The following NAP1L4 variants were observed in gnomAD, a reference collection of about 807,000 sequenced individuals.
The protein encoded by NAP1L4 is nucleosome assembly protein 1 like 4.
A neutral mutation model predicts 58.2 loss-of-function variants in NAP1L4; 15 were observed. That is an observed-to-expected ratio of 0.26 (90% CI 0.17 to 0.40). The LOEUF is 0.40. Among genes scored for constraint, NAP1L4 ranks in the 10% least tolerant of loss-of-function variants. The pLI is 1.00. For missense variants in NAP1L4, 384 were observed against 451.1 expected (o/e 0.85, Z 1.35); for synonymous variants, 171 against 155.6 (o/e 1.10, Z -0.74).
At chr11:2,960,236 G>A in intron 8 of NAP1L4, 2 of 266,886 alleles carry the variant, frequency 7.5e-6, no homozygotes, top group South Asian at 1.0e-4. Flanking sequence ...GAGGGAAGGT[G>A]ACTAGGGGAA....
At chr11:2,966,617 C>T (rs1290412146) in intron 7 of NAP1L4, among the ~76,000 whole-genome samples, 1 of 152,164 alleles carries the variant, frequency 6.6e-6, no homozygotes, top group African/African-American at 2.4e-5. Flanking sequence ...CAAAAAGATA[C>T]CTGCAAGTAT....
chr11:2,977,756 C>G lies in NAP1L4; in HGVS notation c.73+528G>C, dbSNP rs184749226. Among the ~76,000 whole-genome samples, 3 of 150,054 alleles carry G rather than the reference C, an allele frequency of 2.0e-5. No homozygotes were observed. In the East Asian group the frequency reaches 5.9e-4, roughly 30 times the overall value. Reference sequence around the variant, plus strand: ...AACAGTTTGGAGGGAGTGGGGAGTACAGATATAGTTTTTTTTAATGGTGGA... The same window carrying G: ...AACAGTTTGGAGGGAGTGGGGAGTAGAGATATAGTTTTTTTTAATGGTGGA... On this transcript the variant is annotated intron_variant, in intron 3 of 15. Coordinates refer to ENST00000380542, the MANE Select transcript of NAP1L4 (RefSeq NM_005969.4).
rs142158774 is a variant in NAP1L4, at chr11:2,947,418, A to C, written c.*33-1772T>G. On this transcript the variant is annotated intron_variant, in intron 15 of 15. Transcript: ENST00000380542. ...CTTGCTGGAGGGGAGTAGGCCATGC[A>C]CCTGACTCTGGGAAGAGCTGCCTCC... Among the ~76,000 whole-genome samples the C allele has an allele frequency of 9.8e-4, 149 of 152,330 alleles. 1 individual carries two copies. The highest frequency in any genetic ancestry group is 3.2e-3 in the African/African-American group (132 of 41,578).
intron 4 of NAP1L4, among the ~76,000 whole-genome samples, chr11:2,975,765 T>G (rs1847920370): frequency 6.6e-6 from 1 of 151,914 alleles, no homozygotes; most frequent in African/African-American, 2.4e-5. Context: ...ATCTGTGAAG[T>G]CCTCTAGCCC....
At chr11:2,979,635 G>A (rs895722540) in intron 1 of NAP1L4, among the ~76,000 whole-genome samples, 1 of 152,080 alleles carries the variant, frequency 6.6e-6, no homozygotes, top group Non-Finnish European at 1.5e-5. Flanking sequence ...AGCTGAGCGT[G>A]GTGGTGCACG....
intron 8 of NAP1L4, chr11:2,963,802 C>CCAGT (rs750838414): frequency 1.9e-5 from 10 of 519,162 alleles, no homozygotes; most frequent in African/African-American, 9.6e-5. Context: ...CTGAAAGCCA[C>CCAGT]CAGTCAGTCA....
At chr11:2,984,419 A>G (rs1453595055) in intron 1 of NAP1L4, among the ~76,000 whole-genome samples, 2 of 152,054 alleles carry the variant, frequency 1.3e-5, no homozygotes, top group East Asian at 1.9e-4. Flanking sequence ...TAAGAATACA[A>G]AATTAGCCGG....
At chr11:2,987,429 G>T (rs1159650927) in intron 1 of NAP1L4, among the ~76,000 whole-genome samples, 1 of 151,454 alleles carries the variant, frequency 6.6e-6, no homozygotes, top group Non-Finnish European at 1.5e-5. Context: ...TTACAGGCGT[G>T]AGCCACCATG....
chr11:2,969,900 T>C lies in NAP1L4; in HGVS notation c.437A>G (p.Lys146Arg), dbSNP rs1384148718. Reference sequence around the variant, plus strand: ...TGGCTCTTCAGCCGTTGCCGCTGCTTTTTCTGTGACGACTACTTTACTTTT... The same window carrying C: ...TGGCTCTTCAGCCGTTGCCGCTGCTCTTTCTGTGACGACTACTTTACTTTT... ...DMKSKVVVTE[K>R]AAATAEEPDP... is the part of the protein sequence containing the mutation. Residue 146 changes from lysine to arginine, a missense_variant, in exon 7 of 16, where the codon AAA becomes AGA. Lys to Arg is a conservative substitution (Grantham distance 26, BLOSUM62 2). This residue lies in a region of NAP1L4 where 296 missense variants were observed against 360.8 expected (regional missense o/e 0.82). Coordinates refer to ENST00000380542, the MANE Select transcript of NAP1L4 (RefSeq NM_005969.4). 6.2e-7 allele frequency: 1 copy of C among 1,613,686 alleles called. No homozygotes were observed. The highest frequency in any genetic ancestry group is 2.2e-5 in the East Asian group (1 of 44,880).
intron 1 of NAP1L4, among the ~76,000 whole-genome samples, chr11:2,988,768 G>T (rs1346748970): frequency 1.3e-5 from 2 of 152,142 alleles, no homozygotes; most frequent in African/African-American, 4.8e-5. Context: ...GTTAACAGGG[G>T]ATACTTGTAA....
Position 2,975,964 on chromosome 11 carries a change from T to C in NAP1L4, c.173+60A>G. ...GTTCTGGGGAACTGAAAAGTGGTTTTTCCTTTATTTTCCTTTTGTTTCTCC... is the reference window on the plus strand; with the variant it reads ...GTTCTGGGGAACTGAAAAGTGGTTTCTCCTTTATTTTCCTTTTGTTTCTCC... On this transcript the variant is annotated intron_variant, in intron 4 of 15. Coordinates refer to ENST00000380542, the MANE Select transcript of NAP1L4 (RefSeq NM_005969.4). The C allele has an allele frequency of 2.1e-6, 3 of 1,460,630 alleles. No homozygotes were observed. The African/African-American group carries it at 4.3e-5, about 21-fold the overall frequency. 90.5% of individuals were successfully genotyped at this position (1,460,630 alleles called of 1,614,324 possible).
intron 1 of NAP1L4, chr11:2,989,713 T>C (rs1302835823): frequency 6.6e-6 from 1 of 152,228 alleles, no homozygotes; most frequent in Non-Finnish European, 1.5e-5. Context: ...GGAATTAACA[T>C]GCGGTCAATA....
chr11:2,957,615 C>T (rs1322013263), intron 10 of NAP1L4, among the ~76,000 whole-genome samples: 3 of 152,172 alleles, frequency 2.0e-5, no homozygotes, highest in Non-Finnish European at 4.4e-5. Context: ...AGTTGCTTGA[C>T]CTTCACATTT....
Position 2,972,236 on chromosome 11 carries a change from T to C in NAP1L4, c.181A>G (p.Lys61Glu), listed in dbSNP as rs1418994742. Residue 61 changes from lysine to glutamate, a missense_variant, in exon 5 of 16, where the codon AAA becomes GAA. This residue lies in a region of NAP1L4 where 84 missense variants were observed against 73.7 expected (regional missense o/e 1.14). Transcript: ENST00000380542. ...TPSSYIETLP[K>E]AVKRRINALK... ...GCATTAATTCTTCTTTTTACTGCTT[T>C]AGGTAAACTAAAAAAGGGAGTAAGA... is the stretch of plus-strand genomic sequence containing the variant. The C allele has an allele frequency of 1.2e-6, 2 of 1,603,812 alleles. No homozygotes were observed. Among genetic ancestry groups the C allele is most frequent in the Non-Finnish European group, 1.7e-6 (2 of 1,177,238 alleles).
rs1203062265 is a variant in NAP1L4 at position 2,955,019 on chromosome 11, T to A, written c.916-373A>T. Among the ~76,000 whole-genome samples the A allele has an allele frequency of 1.3e-5, 2 of 152,150 alleles. No homozygotes were observed. Among genetic ancestry groups the A allele is most frequent in the Admixed American group, 1.3e-4 (2 of 15,278 alleles). ...CACATACTTTTACTTAGATGTGTAATGATTTCAAATTAATCCCAGAGTTTT... is the reference window on the plus strand; with the variant it reads ...CACATACTTTTACTTAGATGTGTAAAGATTTCAAATTAATCCCAGAGTTTT... On this transcript the variant is annotated intron_variant, in intron 11 of 15. Transcript: ENST00000380542. The surrounding 1 kb of genome is among the most constrained non-coding windows in gnomAD (Gnocchi z 4.2).
At chr11:2,952,570 C>A (rs1846292348) in intron 12 of NAP1L4, 1 of 152,376 alleles carries the variant, frequency 6.6e-6, no homozygotes, top group South Asian at 2.1e-4. Flanking sequence ...CTTAGAAGGG[C>A]CCTACTGTGC....
chr11:2,983,099 T>G (rs1325878605), intron 1 of NAP1L4, among the ~76,000 whole-genome samples: 1 of 152,246 alleles, frequency 6.6e-6, no homozygotes, highest in Non-Finnish European at 1.5e-5. Flanking sequence ...GTTGAAATCC[T>G]ACTGTTCAGC....
Position 2,954,605 on chromosome 11 carries a change from A to T in NAP1L4, c.957T>A (p.Ile319=). Residue 319 remains isoleucine, a synonymous_variant, in exon 12 of 16, where the codon ATT becomes ATA. Coordinates refer to ENST00000380542, the MANE Select transcript of NAP1L4 (RefSeq NM_005969.4). The surrounding 1 kb of genome is among the most constrained non-coding windows in gnomAD (Gnocchi z 4.8). ...CTATCCGCTCACGGAAAAAGTGTCCAATTTCAAAATCAGAGGCTAATGTGA... is the reference window on the plus strand; with the variant it reads ...CTATCCGCTCACGGAAAAAGTGTCCTATTTCAAAATCAGAGGCTAATGTGA... ...SEFTLASDFE[I]GHFFRERIVP... 1 of 1,614,218 alleles carries T rather than the reference A, an allele frequency of 6.2e-7. No individual in the cohort carries two copies. Among genetic ancestry groups the T allele is most frequent in the South Asian group, 1.1e-5 (1 of 91,086 alleles).
chr11:2,956,117 G>T (rs937438590), intron 10 of NAP1L4, among the ~76,000 whole-genome samples: 4 of 152,252 alleles, frequency 2.6e-5, no homozygotes, highest in Non-Finnish European at 5.9e-5. Context: ...TGTGCTTTAT[G>T]GGGAAACTTA....
Sources: allele counts gnomAD v4.1 joint callset (sites outside exome capture counted in the v4.1 genomes callset), GRCh38; gene constraint gnomAD v4.1.1; regional missense constraint gnomAD v4.1.1; non-coding constraint Gnocchi (gnomAD v3.1); transcripts MANE v1.5; gene names NCBI Gene and HGNC (gene_info 2026-07-23, HGNC 2026-07-21).